SYNJ2: variants seen among roughly 807,000 people sequenced by gnomAD.
The protein encoded by SYNJ2 is polyphosphatidylinositol phosphatase SYNJ2.
In SYNJ2, 116 loss-of-function variants were observed where a neutral mutation model predicts 141.3. The observed-to-expected ratio is 0.82, with a 90% confidence interval of 0.71 to 0.96. The LOEUF is 0.96. Ranked by LOEUF, SYNJ2 falls within the 40% of genes least tolerant of loss-of-function variation. The pLI is 0.00. For synonymous variants in SYNJ2, 745 were observed against 777.7 expected, an observed-to-expected ratio of 0.96 and a Z score of 0.70; for missense variants, 1,873 against 1,934.8, an observed-to-expected ratio of 0.97 and a Z score of 0.60.
chr6:157,993,581 G>A (rs1777529111), intron 1 of SYNJ2, among the ~76,000 whole-genome samples: 1 of 151,852 alleles, frequency 6.6e-6, no homozygotes, highest in African/African-American at 2.4e-5. Flanking sequence ...GCCTGTGCTT[G>A]TGGGGTATTG....
At chr6:158,057,885 C>T (rs1223466399) in intron 6 of SYNJ2, among the ~76,000 whole-genome samples, 1 of 152,226 alleles carries the variant, frequency 6.6e-6, no homozygotes, top group Non-Finnish European at 1.5e-5. Flanking sequence ...ACACAGCCCG[C>T]CCCAGGGCTG....
intron 11 of SYNJ2, among the ~76,000 whole-genome samples, chr6:158,065,379 G>C (rs1781502109): frequency 6.6e-6 from 1 of 152,168 alleles, no homozygotes; most frequent in Admixed American, 6.5e-5. Flanking sequence ...CATGAAGTTG[G>C]CCTCCAGTTT....
Position 158,081,430 on chromosome 6 carries a change from A to G in SYNJ2, c.2787-2A>G, listed in dbSNP as rs762251359. On this transcript the variant is annotated splice_acceptor_variant, in intron 19 of 26. Coordinates refer to ENST00000355585, the MANE Select transcript of SYNJ2 (RefSeq NM_003898.4). LOFTEE classifies it high-confidence loss of function. ...ATTGACTTGGAGTATCATTTATTCC[A>G]GGATCAACCAAGGGCAGATGCTGGT... 3.7e-6 allele frequency: 6 copies of G among 1,613,922 alleles called. No homozygotes were observed. In the South Asian group the frequency reaches 6.6e-5, roughly 18 times the overall value.
rs531752692 is a variant in SYNJ2 at position 158,081,467 on chromosome 6, A to G, written c.2822A>G (p.Asp941Gly). 1 of 1,613,994 alleles carries G rather than the reference A, an allele frequency of 6.2e-7. No homozygotes were observed. The highest frequency in any genetic ancestry group is 8.5e-7 in the Non-Finnish European group (1 of 1,180,000). Residue 941 changes from aspartate (D) to glycine (G), a missense_variant, in exon 20 of 27, where the codon GAC becomes GGC. Asp to Gly is a moderately conservative substitution (Grantham distance 94). Transcript: ENST00000355585. The part of the protein sequence containing the change: ...NQGQMLVTFA[D>G]SHSALSVLDV... ...GGGCAGATGCTGGTAACTTTTGCAG[A>G]CAGTCACTCGGCTCTCAGTGTCCTG...
chr6:158,088,888 A>G (rs1783254992), intron 24 of SYNJ2, 116 bp downstream of exon 24: 3 of 726,928 alleles, frequency 4.1e-6, no homozygotes, highest in East Asian at 2.6e-5. Flanking sequence ...CCTGCTCACC[A>G]TCTCATCTCC....
chr6:158,002,747 G>A (rs1367690758), intron 1 of SYNJ2, among the ~76,000 whole-genome samples: 1 of 152,182 alleles, frequency 6.6e-6, no homozygotes, highest in Admixed American at 6.5e-5. Flanking sequence ...GAGGGTTGGG[G>A]CTACCAGGCC....
chr6:158,086,635 A>G (rs954897181), intron 22 of SYNJ2, among the ~76,000 whole-genome samples: 13 of 152,182 alleles, frequency 8.5e-5, no homozygotes, highest in African/African-American at 3.1e-4. Flanking sequence ...TCTGAGAAAT[A>G]CCCATTATCC....
chr6:158,097,976 T>C lies in SYNJ2; in HGVS notation c.*1612T>C, dbSNP rs1048397. 145,656 of 152,242 alleles carry C rather than the reference T, an allele frequency of 0.96. 69,910 individuals are homozygous for C. The highest frequency in any genetic ancestry group is 1 in the East Asian group (5,180 of 5,186). 9.4% of individuals were successfully genotyped at this position (152,242 alleles called of 1,614,324 possible). Reference sequence around the variant, plus strand: ...ACGTGCTTTATATGATTTTTACCTCTGTAACAAACACAAGAAATAAACAGA... The same window carrying C: ...ACGTGCTTTATATGATTTTTACCTCCGTAACAAACACAAGAAATAAACAGA... On this transcript the variant is annotated 3_prime_UTR_variant, in exon 27 of 27. Coordinates refer to ENST00000355585, the MANE Select transcript of SYNJ2 (RefSeq NM_003898.4).
chr6:157,999,910 C>T (rs1016596497), intron 1 of SYNJ2, among the ~76,000 whole-genome samples: 2 of 152,150 alleles, frequency 1.3e-5, no homozygotes, highest in African/African-American at 4.8e-5. Context: ...TCAAGCCCTG[C>T]TCAGGCCAGT....
rs933396490 is a variant in SYNJ2, at chr6:158,037,495, G to A, written c.711+3815G>A. ...CGGCTCACTGCAAGCTCTGCCTCCC[G>A]GGTTCACACCATTCTCCTGCCTCAG... On this transcript the variant is annotated intron_variant, in intron 4 of 26. Transcript: ENST00000355585. 6.1e-5 allele frequency among the ~76,000 whole-genome samples: 9 copies of A among 147,394 alleles called. No homozygotes were observed. The South Asian group carries it at 1.1e-3, about 18-fold the overall frequency.
Position 158,064,672 on chromosome 6 carries a change from C to T in SYNJ2, c.1281C>T (p.Phe427=), listed in dbSNP as rs140268690. The part of the protein sequence containing the change: ...KPIVDRFVES[F]KAMWSLNGHS... ...TCGTTGACCGCTTTGTGGAGTCCTT[C>T]AAAGCCATGTGGTCTCTGAATGGCC... Residue 427 remains phenylalanine, a synonymous_variant, in exon 10 of 27, where the codon TTC becomes TTT. Coordinates refer to ENST00000355585, the MANE Select transcript of SYNJ2 (RefSeq NM_003898.4). 4.3e-6 allele frequency: 7 copies of T among 1,614,012 alleles called. No homozygotes were observed. The highest frequency in any genetic ancestry group is 2.7e-5 in the African/African-American group (2 of 74,930).
intron 21 of SYNJ2, among the ~76,000 whole-genome samples, 183 bp downstream of exon 21, chr6:158,083,780 C>T (rs569577258): frequency 3.9e-5 from 6 of 152,240 alleles, no homozygotes; most frequent in East Asian, 3.9e-4. Context: ...TACCTGGGAC[C>T]CGAGGCATCT....
At position 158,070,065 on chromosome 6, in the gene SYNJ2, A is replaced by G. The variant is rs1222823937; in HGVS notation, c.1940+392A>G. On this transcript the variant is annotated intron_variant, in intron 14 of 26. Transcript: ENST00000355585. The surrounding 1 kb of genome is among the most constrained non-coding windows in gnomAD (Gnocchi z 4.0). ...CCCTTTTTAAAAGAATTCTAAGTAG[A>G]ACGTGTGGGCCTCTACAACTGTGAC... 8 of 813,672 alleles carry G rather than the reference A, an allele frequency of 9.8e-6. No homozygotes were observed. The highest frequency in any genetic ancestry group is 1.0e-5 in the Non-Finnish European group (7 of 671,074). 50.4% of individuals were successfully genotyped at this position (813,672 alleles called of 1,614,324 possible). A position where few individuals can be genotyped will look rare whatever the true frequency, so the allele number is the denominator to read the frequency against.
At chr6:158,086,308 G>A (rs1445428055) in intron 22 of SYNJ2, among the ~76,000 whole-genome samples, 1 of 152,202 alleles carries the variant, frequency 6.6e-6, no homozygotes, top group Non-Finnish European at 1.5e-5. Flanking sequence ...CCTCTTGGAA[G>A]GTGTGTGCAG....
rs529611973 is a variant in SYNJ2 at position 158,035,968 on chromosome 6, A to G, written c.711+2288A>G. On this transcript the variant is annotated intron_variant, in intron 4 of 26. Transcript: ENST00000355585. ...TAAGGAACTTAAACAAATTTCCAAG[A>G]AAAAAAAAAAAAACATTAAAAACTG... is the stretch of plus-strand genomic sequence containing the variant. Among the ~76,000 whole-genome samples the G allele has an allele frequency of 2.5e-3, 304 of 121,080 alleles. 4 individuals are homozygous for G. The highest frequency in any genetic ancestry group is 0.015 in the African/African-American group (286 of 18,916). The allele number at this position is 121,080 out of a possible 152,430, so 79.4% of individuals were successfully genotyped here. A position where few individuals can be genotyped will look rare whatever the true frequency, so the allele number is the denominator to read the frequency against.
At chr6:157,995,742 G>A (rs1777611586) in intron 1 of SYNJ2, among the ~76,000 whole-genome samples, 1 of 152,208 alleles carries the variant, frequency 6.6e-6, no homozygotes, top group Admixed American at 6.5e-5. Flanking sequence ...CGGGTGACAA[G>A]CTGCTTGGTG....
chr6:158,061,725 C>T (rs1053319881), intron 7 of SYNJ2, among the ~76,000 whole-genome samples: 2 of 152,176 alleles, frequency 1.3e-5, no homozygotes, highest in African/African-American at 4.8e-5. Flanking sequence ...CTCCAGGAAG[C>T]CACACCTGCT....
At chr6:157,991,546 A>G (rs1328020660) in intron 1 of SYNJ2, among the ~76,000 whole-genome samples, 6 of 152,198 alleles carry the variant, frequency 3.9e-5, no homozygotes, top group Non-Finnish European at 7.3e-5. Flanking sequence ...CCGGGCCCCA[A>G]TATCTTAATC....
intron 5 of SYNJ2, among the ~76,000 whole-genome samples, chr6:158,047,308 A>G (rs997200384): frequency 5.3e-5 from 8 of 152,144 alleles, no homozygotes; most frequent in African/African-American, 1.7e-4. Flanking sequence ...AGTGACTCAG[A>G]GCACGAGCTT....
Sources: gnomAD v4.1 joint callset for allele counts (sites outside exome capture counted in the v4.1 genomes callset) on GRCh38, gnomAD v4.1.1 for gene constraint, Gnocchi (gnomAD v3.1) non-coding constraint, MANE v1.5 for transcripts, NCBI Gene and HGNC (gene_info 2026-07-23, HGNC 2026-07-21) for gene names.